The following TENM3 variants were observed in gnomAD, a reference collection of about 807,000 sequenced individuals.
TENM3 encodes teneurin transmembrane protein 3, also known as teneurin-3.
A neutral mutation model predicts 255.1 loss-of-function variants in TENM3; 63 were observed. The observed-to-expected ratio is 0.25, with a 90% confidence interval of 0.20 to 0.30. The LOEUF is 0.30. Among genes scored for constraint, TENM3 ranks in the 10% least tolerant of loss-of-function variants. The pLI is 1.00. For synonymous variants in TENM3, 1,306 were observed against 1,322.3 expected, an observed-to-expected ratio of 0.99 and a Z score of 0.27; for missense variants, 2,929 against 3,461.1, an observed-to-expected ratio of 0.85 and a Z score of 3.86.
chr4:182,583,526 G>A (rs1745710730), intron 3 of TENM3, among the ~76,000 whole-genome samples: 1 of 152,050 alleles, frequency 6.6e-6, no homozygotes, highest in South Asian at 2.1e-4. Flanking sequence ...GATAAAGCCA[G>A]TACCTAAATA....
chr4:182,679,032 AG>A (rs774745644), intron 7 of TENM3, among the ~76,000 whole-genome samples: 9 of 152,120 alleles, frequency 5.9e-5, no homozygotes, highest in Non-Finnish European at 1.3e-4. Context: ...GGACACAGGG[AG>A]GGGAACATCA....
the TENM3 span, among the ~76,000 whole-genome samples, chr4:181,556,899 C>T: frequency 5.3e-5 from 8 of 152,106 alleles, no homozygotes; most frequent in East Asian, 1.9e-4. Flanking sequence ...GAAAACGTAA[C>T]GGTTTTGACC....
chr4:182,175,300 AT>A (rs1752389893), intron 1 of TENM3, among the ~76,000 whole-genome samples: 1 of 38,150 alleles, frequency 2.6e-5, no homozygotes, highest in African/African-American at 5.9e-5. Context: ...GCTCTGCTTC[AT>A]TAAAAAAAAA....
chr4:181,652,142 T>TA, the TENM3 span, among the ~76,000 whole-genome samples: 6,202 of 114,616 alleles, frequency 0.054, 210 homozygotes, highest in African/African-American at 0.097. Context: ...CACTTTGGGG[T>TA]AAAAAAAAAA....
At chr4:181,941,533 G>A in the TENM3 span, among the ~76,000 whole-genome samples, 2 of 152,156 alleles carry the variant, frequency 1.3e-5, no homozygotes, top group South Asian at 4.2e-4. Flanking sequence ...TTCTTTTCTA[G>A]ATGGGTGTGT....
the TENM3 span, among the ~76,000 whole-genome samples, chr4:181,862,774 C>T: frequency 6.6e-6 from 1 of 152,048 alleles, no homozygotes; most frequent in Non-Finnish European, 1.5e-5. Flanking sequence ...GATGACTAGA[C>T]TATTATGTCC....
chr4:181,531,234 G>A, the TENM3 span, among the ~76,000 whole-genome samples: 5 of 152,050 alleles, frequency 3.3e-5, no homozygotes, highest in Non-Finnish European at 7.4e-5. Context: ...GCAAGGAAGG[G>A]GGAAAACAGA....
chr4:182,611,111 G>T (rs1297885431), intron 4 of TENM3, among the ~76,000 whole-genome samples: 1 of 152,048 alleles, frequency 6.6e-6, no homozygotes, highest in East Asian at 1.9e-4. Context: ...CTAGTTAGTG[G>T]CAATACTCAG....
chr4:182,080,865 C>T, the TENM3 span, among the ~76,000 whole-genome samples: 2 of 152,108 alleles, frequency 1.3e-5, no homozygotes, highest in African/African-American at 2.4e-5. Context: ...GCGACATGCG[C>T]TTGTTGTCCC....
At chr4:182,125,677 A>C in the TENM3 span, among the ~76,000 whole-genome samples, 1 of 152,164 alleles carries the variant, frequency 6.6e-6, no homozygotes, top group African/African-American at 2.4e-5. Flanking sequence ...TTCCTAAAAA[A>C]CAGTGAATAA....
At chr4:181,525,013 C>T in the TENM3 span, among the ~76,000 whole-genome samples, 1 of 152,148 alleles carries the variant, frequency 6.6e-6, no homozygotes, top group African/African-American at 2.4e-5. Flanking sequence ...GATTATACGA[C>T]ATTTATGGTT....
At chr4:182,321,063 C>T (rs1345248481) in intron 1 of TENM3, among the ~76,000 whole-genome samples, 3 of 152,082 alleles carry the variant, frequency 2.0e-5, no homozygotes, top group African/African-American at 2.4e-5. Context: ...TAAAAATGCT[C>T]GAATTATATT....
At chr4:181,945,777 G>GT in the TENM3 span, among the ~76,000 whole-genome samples, 1 of 152,018 alleles carries the variant, frequency 6.6e-6, no homozygotes, top group East Asian at 1.9e-4. Context: ...CAAAACAGAA[G>GT]TTTTCCTTGA....
At chr4:182,011,088 A>C in the TENM3 span, among the ~76,000 whole-genome samples, 2 of 152,224 alleles carry the variant, frequency 1.3e-5, no homozygotes, top group African/African-American at 4.8e-5. Context: ...GGCTACAGTT[A>C]CTAACTATAC....
the TENM3 span, among the ~76,000 whole-genome samples, chr4:182,045,792 T>C: frequency 6.6e-6 from 1 of 152,238 alleles, no homozygotes; most frequent in South Asian, 2.1e-4. Flanking sequence ...CTCATGCCTG[T>C]GGTCCCAGCA....
chr4:182,328,296 A>G (rs1580174459), intron 2 of TENM3, among the ~76,000 whole-genome samples: 1 of 152,006 alleles, frequency 6.6e-6, no homozygotes, highest in Non-Finnish European at 1.5e-5. Flanking sequence ...GCTCACTGCA[A>G]CCTCTGCCTC....
the TENM3 span, among the ~76,000 whole-genome samples, chr4:182,083,026 G>A: frequency 1.3e-5 from 2 of 152,144 alleles, no homozygotes; most frequent in Non-Finnish European, 2.9e-5. Flanking sequence ...TTAGTAGCTG[G>A]AAGGACTTTG....
At chr4:182,428,954 A>T (rs1217850683) in intron 3 of TENM3, among the ~76,000 whole-genome samples, 1 of 152,170 alleles carries the variant, frequency 6.6e-6, no homozygotes, top group Non-Finnish European at 1.5e-5. Context: ...GTGTATAAAT[A>T]TGTGTGACAT....
the TENM3 span, among the ~76,000 whole-genome samples, chr4:181,997,927 G>T: frequency 5.9e-5 from 9 of 152,100 alleles, no homozygotes; most frequent in African/African-American, 2.2e-4. Flanking sequence ...ACTCTGCTTT[G>T]TCTTTTAATT....
Sources: gnomAD v4.1 joint callset for allele counts (sites outside exome capture counted in the v4.1 genomes callset) on GRCh38, gnomAD v4.1.1 for gene constraint, MANE v1.5 for transcripts, NCBI Gene and HGNC (gene_info 2026-07-23, HGNC 2026-07-21) for gene names.